The following FAAH variants were observed in gnomAD, a reference collection of about 807,000 sequenced individuals.
The protein encoded by FAAH is fatty-acid amide hydrolase 1.
A neutral mutation model predicts 69.7 loss-of-function variants in FAAH; 63 were observed. That is an observed-to-expected ratio of 0.90 (90% CI 0.74 to 1.12). The LOEUF is 1.12. FAAH is among the 50% of genes most tolerant of loss of function. The pLI is 0.00. For missense variants in FAAH, 680 were observed against 755.0 expected (o/e 0.90, Z 1.16); for synonymous variants, 305 against 324.2 (o/e 0.94, Z 0.64).
In FAAH at chr1:46,412,173, AG is replaced by A; in HGVS notation, c.1390del (p.Ala464ArgfsTer8). 6.4e-7 allele frequency: 1 copy of A among 1,563,272 alleles called. No homozygotes were observed. The highest frequency in any genetic ancestry group is 8.7e-7 in the Non-Finnish European group (1 of 1,153,602). ...VYRKTVIAQW[R>X]ALDLDVVLTP... ...CCGCAAAACCGTGATTGCCCAGTGGAGGGCGCTGGACCTGGATGTGGTGCTG... is the reference window on the plus strand; with the variant it reads ...CCGCAAAACCGTGATTGCCCAGTGGAGGCGCTGGACCTGGATGTGGTGCTG... On this transcript the variant is annotated frameshift_variant, in exon 13 of 15. Coordinates refer to ENST00000243167, the MANE Select transcript of FAAH (RefSeq NM_001441.3). LOFTEE classifies it high-confidence loss of function.
At position 46,398,260 on chromosome 1, in the gene FAAH, C is replaced by T. The variant is rs552945172; in HGVS notation, c.195+3717C>T. Among the ~76,000 whole-genome samples the T allele has an allele frequency of 1.2e-4, 18 of 152,258 alleles. No homozygotes were observed. The South Asian group carries it at 2.7e-3, about 23-fold the overall frequency. Reference sequence around the variant, plus strand: ...AGGACGTGGGAGTTTTAGCTGAACCCAGCCCAGGCTTGGGAACAGCTCTTT... The same window carrying T: ...AGGACGTGGGAGTTTTAGCTGAACCTAGCCCAGGCTTGGGAACAGCTCTTT... On this transcript the variant is annotated intron_variant, in intron 1 of 14. Transcript: ENST00000243167.
Position 46,413,178 on chromosome 1 carries a change from C to G in FAAH, c.1569C>G (p.Tyr523Ter). Residue 523 changes from tyrosine (Y) to a stop codon, truncating the protein, a stop_gained, in exon 14 of 15, where the codon TAC becomes TAG. Transcript: ENST00000243167. LOFTEE classifies it high-confidence loss of function. Reference protein sequence around the residue: ...TAEDEAQMEHYRGYFGDIWDK... With the variant: ...TAEDEAQMEH ...AGGACGAGGCCCAGATGGAACATTA[C>G]AGGGGCTACTTTGGGGATATCTGGG... 1 of 1,614,154 alleles carries G rather than the reference C, an allele frequency of 6.2e-7. No individual in the cohort carries two copies. Among genetic ancestry groups the G allele is most frequent in the Non-Finnish European group, 8.5e-7 (1 of 1,180,014 alleles).
intron 7 of FAAH, 112 bp from the exon 8 acceptor site, chr1:46,408,347 G>T: frequency 6.9e-7 from 1 of 1,457,900 alleles, no homozygotes; most frequent in South Asian, 1.1e-5. Flanking sequence ...TGGCCTCGCT[G>T]ACTGCAGCCT....
At position 46,412,258 on chromosome 1, in the gene FAAH, C is replaced by T; in HGVS notation, c.1465+7C>T. On this transcript the variant is annotated splice_region_variant and intron_variant, in intron 13 of 14. Transcript: ENST00000243167. ...GCCCCAGGCAGGGCCACAGGTGAGG[C>T]CCGACACCCTGCCTGTCCCTTCTGT... is the stretch of plus-strand genomic sequence containing the variant. The T allele has an allele frequency of 6.5e-7, 1 of 1,547,140 alleles. No individual in the cohort carries two copies. The highest frequency in any genetic ancestry group is 1.2e-5 in the South Asian group (1 of 83,972).
intron 1 of FAAH, among the ~76,000 whole-genome samples, chr1:46,398,832 G>A (rs1664647102): frequency 6.6e-6 from 1 of 152,200 alleles, no homozygotes; most frequent in African/African-American, 2.4e-5. Context: ...ACCACTCCCG[G>A]ATTCTTGGCT....
At position 46,404,904 on chromosome 1, in the gene FAAH, CCT is replaced by C; in HGVS notation, c.310-106_310-105del. The C allele has an allele frequency of 6.8e-7, 1 of 1,467,862 alleles. No homozygotes were observed. Among genetic ancestry groups the C allele is most frequent in the East Asian group, 2.3e-5 (1 of 43,474 alleles). 90.9% of individuals were successfully genotyped at this position (1,467,862 alleles called of 1,614,324 possible). On this transcript the variant is annotated intron_variant, in intron 2 of 14. Transcript: ENST00000243167. This position sits in a 1 kb window ranked among gnomAD's most constrained non-coding sequence, Gnocchi z 4.5. Reference sequence around the variant, plus strand: ...GCTCTGGGCCATGTTGCTGGTTACCCCTCTCCCTGGGTATACTTTAAAAGGCC... The same window carrying C: ...GCTCTGGGCCATGTTGCTGGTTACCCCTCCCTGGGTATACTTTAAAAGGCC...
intron 1 of FAAH, among the ~76,000 whole-genome samples, chr1:46,396,340 AG>A (rs1664596355): frequency 6.6e-6 from 1 of 152,232 alleles, no homozygotes; most frequent in African/African-American, 2.4e-5. Flanking sequence ...TTCCATTCCC[AG>A]GGACGAGCAG....
Position 46,394,567 on chromosome 1 carries a change from T to G in FAAH, c.195+24T>G, listed in dbSNP as rs1030489586. The G allele has an allele frequency of 2.2e-6, 3 of 1,334,138 alleles. No homozygotes were observed. In the African/African-American group the frequency reaches 4.6e-5, roughly 21 times the overall value. The allele number at this position is 1,334,138 out of a possible 1,614,324, so 82.6% of individuals were successfully genotyped here. On this transcript the variant is annotated intron_variant, in intron 1 of 14. Transcript: ENST00000243167. ...AGGTGACTGCCGGAGCGTAGTGGGA[T>G]GGGCGCGGCCTGAGGGTACTCGCAG...
Position 46,394,319 on chromosome 1 carries a change from C to A in FAAH, c.-30C>A, listed in dbSNP as rs534287589. The A allele has an allele frequency of 2.6e-6, 4 of 1,536,502 alleles. No individual in the cohort carries two copies. Among genetic ancestry groups the A allele is most frequent in the South Asian group, 1.2e-5 (1 of 82,724 alleles). The stretch of plus-strand genomic sequence containing the variant: ...CTGCGCGTGCGGCGGCTTCAACTGT[C>A]GCGGTAGGCAGCAGCAGGCTGAAGG... On this transcript the variant is annotated 5_prime_UTR_variant, in exon 1 of 15. Transcript: ENST00000243167.
In FAAH at chr1:46,409,351, G is replaced by A. The variant is rs1664858945; in HGVS notation, c.1175+153G>A. The A allele has an allele frequency of 5.8e-6, 4 of 687,684 alleles. No homozygotes were observed. The South Asian group carries it at 5.9e-5, about 10-fold the overall frequency. 42.6% of individuals were successfully genotyped at this position (687,684 alleles called of 1,614,324 possible). A position where few individuals can be genotyped will look rare whatever the true frequency, so the allele number is the denominator to read the frequency against. On this transcript the variant is annotated intron_variant, in intron 9 of 14. Transcript: ENST00000243167. The stretch of plus-strand genomic sequence containing the variant: ...AGGGACCTCGCTGTCCCTCCAGCTG[G>A]GCACATTGAGCCTGGAGATCCCTTG...
intron 13 of FAAH, 45 bp downstream of exon 13, chr1:46,412,296 G>T (rs1557762321): frequency 6.8e-7 from 1 of 1,471,590 alleles, no homozygotes; most frequent in Middle Eastern, 1.9e-4. Flanking sequence ...ATCTGGCCAT[G>T]TGCCCTGCAG....
At chr1:46,406,718 CAGCCTCCCG>C (rs917263917) in intron 7 of FAAH, among the ~76,000 whole-genome samples, 6 of 151,508 alleles carry the variant, frequency 4.0e-5, no homozygotes, top group African/African-American at 1.5e-4. Flanking sequence ...TCTCCTGCCT[CAGCCTCCCG>C]AGTAGCTGGG....
intron 1 of FAAH, among the ~76,000 whole-genome samples, chr1:46,396,673 T>C (rs1188650025): frequency 6.6e-6 from 1 of 152,226 alleles, no homozygotes. Flanking sequence ...TAATTAAACC[T>C]TGAGTCAACA....
Position 46,406,088 on chromosome 1 carries a change from G to C in FAAH, c.826+10G>C. 2 of 1,614,182 alleles carry C rather than the reference G, an allele frequency of 1.2e-6. No individual in the cohort carries two copies. Among genetic ancestry groups the C allele is most frequent in the Middle Eastern group, 1.6e-4 (1 of 6,062 alleles). ...TATGGACAGGAGGCAGGTGAGGTCC[G>C]TGGTGCTCTCAGTGCCCCGAGGAGG... is the stretch of plus-strand genomic sequence containing the variant. On this transcript the variant is annotated intron_variant, in intron 6 of 14. Transcript: ENST00000243167.
intron 7 of FAAH, among the ~76,000 whole-genome samples, chr1:46,406,583 CTTT>C (rs34839737): frequency 2.5e-5 from 3 of 117,794 alleles, no homozygotes; most frequent in Non-Finnish European, 5.3e-5. Flanking sequence ...TTCTTTCTTT[CTTT>C]TTTTTTTTTT....
rs113146178 is a variant in FAAH at position 46,405,545 on chromosome 1, G to A, written c.578+40G>A. 7.3e-5 allele frequency: 117 copies of A among 1,612,726 alleles called. No homozygotes were observed. Among genetic ancestry groups the A allele is most frequent in the Non-Finnish European group, 9.2e-5 (109 of 1,180,016 alleles). ...TGGGGCGGGGCGGGGCAGGGGCACC[G>A]GTCCCAGCATGGCACGGGCTGACCC... is the stretch of plus-strand genomic sequence containing the variant. On this transcript the variant is annotated intron_variant, in intron 4 of 14. Coordinates refer to ENST00000243167, the MANE Select transcript of FAAH (RefSeq NM_001441.3). This position sits in a 1 kb window ranked among gnomAD's most constrained non-coding sequence, Gnocchi z 4.1.
At position 46,410,541 on chromosome 1, in the gene FAAH, A is replaced by T. The variant is rs201009301; in HGVS notation, c.1275+44A>T. On this transcript the variant is annotated intron_variant, in intron 10 of 14. Coordinates refer to ENST00000243167, the MANE Select transcript of FAAH (RefSeq NM_001441.3). The surrounding 1 kb of genome is among the most constrained non-coding windows in gnomAD (Gnocchi z 4.9). Reference sequence around the variant, plus strand: ...GAGGGGCTAGGATGGCTGGGGGGGAACCTAGGGCCTCCTATCGCATGATCC... The same window carrying T: ...GAGGGGCTAGGATGGCTGGGGGGGATCCTAGGGCCTCCTATCGCATGATCC... The T allele has an allele frequency of 2.7e-5, 42 of 1,551,100 alleles. No homozygotes were observed. The highest frequency in any genetic ancestry group is 1.6e-4 in the South Asian group (14 of 89,594).
intron 2 of FAAH, 38 bp downstream of exon 2, chr1:46,402,242 T>G: frequency 1.3e-6 from 2 of 1,520,162 alleles, no homozygotes; most frequent in Admixed American, 3.8e-5. Flanking sequence ...CTGGGAAAGG[T>G]AAGGCCAGCC....
intron 1 of FAAH, among the ~76,000 whole-genome samples, chr1:46,397,708 CCT>C (rs1252298460): frequency 6.6e-6 from 1 of 151,768 alleles, no homozygotes; most frequent in Admixed American, 6.6e-5. Flanking sequence ...ATTACAGGCG[CCT>C]GCCACCATGC....
Sources: allele counts gnomAD v4.1 joint callset (sites outside exome capture counted in the v4.1 genomes callset), GRCh38; gene constraint gnomAD v4.1.1; non-coding constraint Gnocchi (gnomAD v3.1); transcripts MANE v1.5; gene names NCBI Gene and HGNC (gene_info 2026-07-23, HGNC 2026-07-21).